The following PRKN variants were observed in gnomAD, a reference collection of about 807,000 sequenced individuals.
The protein encoded by PRKN is parkin RBR E3 ubiquitin protein ligase.
PRKN carries 56 observed loss-of-function variants against 59.5 expected under a neutral mutation model. The observed-to-expected ratio is 0.94, with a 90% CI of 0.76 to 1.18. The LOEUF (loss-of-function observed/expected upper bound fraction) is 1.18. Ranked by LOEUF, PRKN falls within the 50% of genes most tolerant of loss-of-function variation. The probability of loss-of-function intolerance (pLI) is 0.00; values close to 1 mark genes in which losing one functional copy is unlikely to be tolerated. For missense variants in PRKN, 657 were observed against 596.4 expected (o/e 1.10, Z -1.06); for synonymous variants, 250 against 222.1 (o/e 1.13, Z -1.12).
intron 1 of PRKN, among the ~76,000 whole-genome samples, chr6:162,481,158 C>A (rs914878569): frequency 6.6e-6 from 1 of 151,958 alleles, no homozygotes; most frequent in African/African-American, 2.4e-5. Flanking sequence ...TTAATGTTCT[C>A]ATATAAAGAA....
chr6:162,226,510 C>G (rs1163590282), intron 3 of PRKN, among the ~76,000 whole-genome samples: 1 of 152,146 alleles, frequency 6.6e-6, no homozygotes, highest in Non-Finnish European at 1.5e-5. Context: ...GGGATTTGTG[C>G]AGGAGGAACA....
intron 1 of PRKN, among the ~76,000 whole-genome samples, chr6:162,664,778 T>C (rs149777095): frequency 1.0e-3 from 157 of 152,294 alleles, no homozygotes; most frequent in African/African-American, 3.7e-3. Flanking sequence ...AAATTCTGTA[T>C]ATTAGACTTT....
Position 162,262,782 on chromosome 6 carries a change from T to TTAAAAAA in PRKN, c.172-18_172-17insTTTTTTA. The stretch of plus-strand genomic sequence containing the variant: ...GTCACAATTCTGTTTGGGAGCAAGG[T>TTAAAAAA]AAAAAAAAAAAAAAAAAAAAAGGAA... On this transcript the variant is annotated splice_polypyrimidine_tract_variant and intron_variant, in intron 2 of 11. Coordinates refer to ENST00000366898, the MANE Select transcript of PRKN (RefSeq NM_004562.3). 1.5e-6 allele frequency: 2 copies of TTAAAAAA among 1,360,316 alleles called. No homozygotes were observed. Among genetic ancestry groups the TTAAAAAA allele is most frequent in the South Asian group, 1.4e-5 (1 of 71,366 alleles). 84.3% of individuals were successfully genotyped at this position (1,360,316 alleles called of 1,614,324 possible). A position where few individuals can be genotyped will look rare whatever the true frequency, so the allele number is the denominator to read the frequency against.
chr6:162,655,285 GTATT>G (rs1437816002), intron 1 of PRKN, among the ~76,000 whole-genome samples: 1 of 152,126 alleles, frequency 6.6e-6, no homozygotes, highest in Non-Finnish European at 1.5e-5. Context: ...TAACCCATGA[GTATT>G]TAAGAATTTC....
chr6:161,860,380 A>T (rs7746351), intron 6 of PRKN, among the ~76,000 whole-genome samples: 75,357 of 151,972 alleles, frequency 0.5, 18,901 homozygotes, highest in East Asian at 0.74. Flanking sequence ...AATTGTAGAG[A>T]CTAGGACACT....
chr6:162,538,981 G>A (rs899510938), intron 1 of PRKN, among the ~76,000 whole-genome samples: 3 of 152,320 alleles, frequency 2.0e-5, no homozygotes, highest in South Asian at 2.1e-4. Context: ...AGTGATTACC[G>A]TGGGGGCCCA....
At chr6:162,513,376 G>A (rs541621529) in intron 1 of PRKN, among the ~76,000 whole-genome samples, 1 of 152,228 alleles carries the variant, frequency 6.6e-6, no homozygotes, top group Admixed American at 6.5e-5. Flanking sequence ...GTACTCCGGA[G>A]GCTGAGGTGG....
Position 161,369,657 on chromosome 6 carries a change from A to G in PRKN, c.1168-9452T>C, listed in dbSNP as rs1785359865. Among the ~76,000 whole-genome samples the G allele has an allele frequency of 6.6e-6, 1 of 152,048 alleles. No homozygotes were observed. Among genetic ancestry groups the G allele is most frequent in the Non-Finnish European group, 1.5e-5 (1 of 68,020 alleles). On this transcript the variant is annotated intron_variant, in intron 10 of 11. Transcript: ENST00000366898. The surrounding 1 kb of genome is among the most constrained non-coding windows in gnomAD (Gnocchi z 5.8). The stretch of plus-strand genomic sequence containing the variant: ...GTGGCAGGAGGAATTGCATGCATGC[A>G]TGTGTGTACGCACGCGTGGTGGAGG...
intron 2 of PRKN, among the ~76,000 whole-genome samples, chr6:162,364,528 G>A (rs1785318007): frequency 6.6e-6 from 1 of 152,132 alleles, no homozygotes; most frequent in Non-Finnish European, 1.5e-5. Context: ...TGGCAAGTGG[G>A]AGGTCAGAAG....
intron 4 of PRKN, among the ~76,000 whole-genome samples, chr6:162,118,681 C>T (rs1289793236): frequency 6.6e-6 from 1 of 152,180 alleles, no homozygotes; most frequent in Non-Finnish European, 1.5e-5. Flanking sequence ...TAACCAACCA[C>T]AACCAAAAGA....
Position 161,419,310 on chromosome 6 carries a change from G to T in PRKN, c.1084-32433C>A, listed in dbSNP as rs1268420316. 6.6e-6 allele frequency among the ~76,000 whole-genome samples: 1 copy of T among 152,172 alleles called. No individual in the cohort carries two copies. Among genetic ancestry groups the T allele is most frequent in the East Asian group, 1.9e-4 (1 of 5,200 alleles). On this transcript the variant is annotated intron_variant, in intron 9 of 11. Coordinates refer to ENST00000366898, the MANE Select transcript of PRKN (RefSeq NM_004562.3). This position sits in a 1 kb window ranked among gnomAD's most constrained non-coding sequence, Gnocchi z 4.1. ...CACAGTGGTAGAAAGTGACCAACTA[G>T]CAGTCAACCAGGAGATTTTTGGCCC...
At chr6:162,678,921 C>G (rs910673843) in intron 1 of PRKN, among the ~76,000 whole-genome samples, 1 of 151,726 alleles carries the variant, frequency 6.6e-6, no homozygotes, top group South Asian at 2.1e-4. Context: ...ATTAGAGGTG[C>G]CCAGCACCAT....
At chr6:162,416,028 G>A (rs534429990) in intron 2 of PRKN, among the ~76,000 whole-genome samples, 2 of 152,006 alleles carry the variant, frequency 1.3e-5, no homozygotes, top group Non-Finnish European at 2.9e-5. Context: ...TTTAAATCAG[G>A]CATGCCATCT....
chr6:161,492,619 C>T (rs933304771), intron 9 of PRKN, among the ~76,000 whole-genome samples: 2 of 152,162 alleles, frequency 1.3e-5, no homozygotes, highest in African/African-American at 4.8e-5. Context: ...TAGAAAGAAC[C>T]TTGGCAAGTC....
chr6:161,860,525 C>A (rs1389621004), intron 6 of PRKN, among the ~76,000 whole-genome samples: 1 of 152,200 alleles, frequency 6.6e-6, no homozygotes, highest in African/African-American at 2.4e-5. Context: ...CTCATCACAG[C>A]CCTAAAACAG....
chr6:161,750,941 T>C (rs1788667183), intron 7 of PRKN, among the ~76,000 whole-genome samples: 1 of 152,034 alleles, frequency 6.6e-6, no homozygotes, highest in South Asian at 2.1e-4. Flanking sequence ...GTCAGAGAAA[T>C]AGCAATGTGG....
At chr6:161,795,783 T>C (rs1340715746) in intron 6 of PRKN, among the ~76,000 whole-genome samples, 1 of 151,664 alleles carries the variant, frequency 6.6e-6, no homozygotes, top group Non-Finnish European at 1.5e-5. Context: ...AGAAGGAAAA[T>C]ACAAACTAAG....
At chr6:162,649,392 T>C (rs1018330352) in intron 1 of PRKN, among the ~76,000 whole-genome samples, 3 of 152,142 alleles carry the variant, frequency 2.0e-5, no homozygotes, top group Non-Finnish European at 2.9e-5. Context: ...TGGTAATGAT[T>C]TTGCCAGGGC....
chr6:162,721,513 A>G (rs975341886), intron 1 of PRKN, among the ~76,000 whole-genome samples: 1 of 151,676 alleles, frequency 6.6e-6, no homozygotes, highest in African/African-American at 2.4e-5. Context: ...CTTTCATTCT[A>G]TTCTCTTCTC....
Sources: allele counts gnomAD v4.1 joint callset (sites outside exome capture counted in the v4.1 genomes callset), GRCh38; gene constraint gnomAD v4.1.1; non-coding constraint Gnocchi (gnomAD v3.1); transcripts MANE v1.5; gene names NCBI Gene and HGNC (gene_info 2026-07-23, HGNC 2026-07-21).